The following HIBCH variants were observed in gnomAD, a reference collection of about 807,000 sequenced individuals.
HIBCH encodes 3-hydroxyisobutyryl-CoA hydrolase, mitochondrial.
HIBCH carries 50 observed loss-of-function variants against 58.2 expected under a neutral mutation model. The ratio of observed to expected loss-of-function variants is 0.86; its 90% CI spans 0.68 to 1.09. The LOEUF is 1.09. Ranked by LOEUF, HIBCH falls within the 50% of genes least tolerant of loss-of-function variation. The probability of loss-of-function intolerance (pLI) is 0.00; values close to 1 mark genes in which losing one functional copy is unlikely to be tolerated. For synonymous variants in HIBCH, 151 were observed against 146.9 expected (o/e 1.03, Z -0.20); for missense variants, 450 against 449.7 (o/e 1.00, Z -0.01).
rs955208108 is a variant in HIBCH at position 190,243,804 on chromosome 2, C to CA, written c.891+1082dup. 6.6e-6 allele frequency among the ~76,000 whole-genome samples: 1 copy of CA among 151,764 alleles called. No homozygotes were observed. Among genetic ancestry groups the CA allele is most frequent in the Non-Finnish European group, 1.5e-5 (1 of 67,910 alleles). On this transcript the variant is annotated intron_variant, in intron 11 of 13. Coordinates refer to ENST00000359678, the MANE Select transcript of HIBCH (RefSeq NM_014362.4). The surrounding 1 kb of genome is among the most constrained non-coding windows in gnomAD (Gnocchi z 4.1). ...CCAACATGGTGAAACCTTGTCTCTA[C>CA]AAAAAAATACAAAAAATTAGCCACC...
intron 11 of HIBCH, among the ~76,000 whole-genome samples, chr2:190,226,682 T>C (rs1685910355): frequency 1.4e-5 from 2 of 145,816 alleles, no homozygotes; most frequent in African/African-American, 5.0e-5. Flanking sequence ...GAAAACCCCA[T>C]CATCTCAGCC....
intron 1 of HIBCH, among the ~76,000 whole-genome samples, chr2:190,198,237 T>G (rs1690068384): frequency 6.6e-6 from 1 of 152,186 alleles, no homozygotes; most frequent in Admixed American, 6.5e-5. Context: ...TGGGTAGAAT[T>G]TATAGAATAA....
chr2:190,196,522 C>CT (rs34020571), intron 1 of HIBCH, among the ~76,000 whole-genome samples: 16,885 of 135,738 alleles, frequency 0.12, 1,014 homozygotes, highest in East Asian at 0.19. Flanking sequence ...AATGCTGGGT[C>CT]TTTTTTTTTT....
chr2:190,240,436 A>T (rs1686416543), intron 11 of HIBCH, among the ~76,000 whole-genome samples: 1 of 152,118 alleles, frequency 6.6e-6, no homozygotes, highest in Non-Finnish European at 1.5e-5. Flanking sequence ...CCTTTTCAAA[A>T]ACCAGCTCCT....
At chr2:190,295,910 T>C (rs1273237790) in intron 3 of HIBCH, among the ~76,000 whole-genome samples, 2 of 152,240 alleles carry the variant, frequency 1.3e-5, no homozygotes, top group East Asian at 1.9e-4. Context: ...GGTACTTATA[T>C]ATACTATTCA....
rs144541553 is a variant in HIBCH at position 190,278,878 on chromosome 2, C to A, written c.438+8708G>T. Among the ~76,000 whole-genome samples the A allele has an allele frequency of 2.5e-3, 377 of 152,162 alleles. 1 individual carries two copies. The highest frequency in any genetic ancestry group is 8.5e-3 in the African/African-American group (352 of 41,494). On this transcript the variant is annotated intron_variant, in intron 6 of 13. Transcript: ENST00000359678. ...ATTCTAAAGTGCCAACAAGGTTGAGCGCCAATGATCTAGAGGATTACATTT... is the reference window on the plus strand; with the variant it reads ...ATTCTAAAGTGCCAACAAGGTTGAGAGCCAATGATCTAGAGGATTACATTT...
Position 190,293,937 on chromosome 2 carries a change from TAAAG to T in HIBCH, c.304+605_304+608del, listed in dbSNP as rs537494719. On this transcript the variant is annotated intron_variant, in intron 4 of 13. Transcript: ENST00000359678. ...GACTGACCTGAACAATTATGAAAAATAAAGAGAGTTTCTCTTTTTATCTCAGCAT... is the reference window on the plus strand; with the variant it reads ...GACTGACCTGAACAATTATGAAAAATAGAGTTTCTCTTTTTATCTCAGCAT... Among the ~76,000 whole-genome samples the T allele has an allele frequency of 8.6e-3, 1,289 of 149,824 alleles. 12 individuals carry two copies. Among genetic ancestry groups the T allele is most frequent in the East Asian group, 0.03 (151 of 5,110 alleles).
intron 11 of HIBCH, chr2:190,220,251 G>A (rs1410693781): frequency 6.6e-6 from 1 of 152,144 alleles, no homozygotes; most frequent in African/African-American, 2.4e-5. Context: ...TACTTTTCAA[G>A]TTTATTGTTG....
chr2:190,218,969 A>T (rs1435282107), intron 11 of HIBCH, among the ~76,000 whole-genome samples: 1 of 152,212 alleles, frequency 6.6e-6, no homozygotes, highest in Non-Finnish European at 1.5e-5. Flanking sequence ...GTTACTGGTA[A>T]GTCAAACAAA....
At chr2:190,310,395 ACT>A (rs1688527087) in intron 2 of HIBCH, among the ~76,000 whole-genome samples, 1 of 152,242 alleles carries the variant, frequency 6.6e-6, no homozygotes, top group Non-Finnish European at 1.5e-5. Flanking sequence ...TCTAGAGAAC[ACT>A]GATTAATACA....
At chr2:190,299,388 TTG>T (rs1688197559) in intron 2 of HIBCH, among the ~76,000 whole-genome samples, 1 of 152,218 alleles carries the variant, frequency 6.6e-6, no homozygotes, top group African/African-American at 2.4e-5. Flanking sequence ...ACAGAAAAAG[TTG>T]TGTCTTTTCA....
chr2:190,225,233 T>A (rs1685852535), intron 11 of HIBCH, among the ~76,000 whole-genome samples: 1 of 151,970 alleles, frequency 6.6e-6, no homozygotes. Context: ...AACAAACACA[T>A]TCAAAAGCTA....
chr2:190,262,249 T>C (rs1687110798), intron 6 of HIBCH, among the ~76,000 whole-genome samples: 1 of 146,560 alleles, frequency 6.8e-6, no homozygotes, highest in South Asian at 2.1e-4. Flanking sequence ...AACAAACACA[T>C]AAAAAGAAGC....
At chr2:190,313,635 C>G (rs1688615486) in intron 1 of HIBCH, among the ~76,000 whole-genome samples, 1 of 100,040 alleles carries the variant, frequency 1.0e-5, no homozygotes, top group Admixed American at 1.4e-4. Flanking sequence ...ACAAGAGACT[C>G]TGTCTCACAA....
chr2:190,314,627 C>T lies in HIBCH; in HGVS notation c.36-3831G>A, dbSNP rs375125374. ...CCGAGTAGCTGGGATTGCAGGCATG[C>T]GTCACCACACCCGGCTTATTTTTGT... On this transcript the variant is annotated intron_variant, in intron 1 of 13. Coordinates refer to ENST00000359678, the MANE Select transcript of HIBCH (RefSeq NM_014362.4). Among the ~76,000 whole-genome samples the T allele has an allele frequency of 5.1e-4, 77 of 151,376 alleles. 1 individual carries two copies. In the South Asian group the frequency reaches 0.016, roughly 31 times the overall value.
intron 11 of HIBCH, among the ~76,000 whole-genome samples, chr2:190,237,174 T>C (rs1686298157): frequency 6.6e-6 from 1 of 152,196 alleles, no homozygotes; most frequent in African/African-American, 2.4e-5. Flanking sequence ...GTGTATACAG[T>C]TGTATAATTA....
At chr2:190,310,664 C>T (rs1204751707) in intron 2 of HIBCH, 90 bp downstream of exon 2, 1 of 1,051,544 alleles carries the variant, frequency 9.5e-7, no homozygotes, top group African/African-American at 1.6e-5. Flanking sequence ...TCAAGGAAAT[C>T]TGCCATACCA....
chr2:190,279,843 C>CTTCCTACT lies in HIBCH; in HGVS notation c.438+7742_438+7743insAGTAGGAA, dbSNP rs1687656384. 1 of 200,376 alleles carries CTTCCTACT rather than the reference C, an allele frequency of 5.0e-6. No individual in the cohort carries two copies. The highest frequency in any genetic ancestry group is 9.5e-5 in the South Asian group (1 of 10,500). 12.4% of individuals were successfully genotyped at this position (200,376 alleles called of 1,614,324 possible). A position where few individuals can be genotyped will look rare whatever the true frequency, so the allele number is the denominator to read the frequency against. ...CAAGTTACTTCCTCCTTCCTTTGTTCTCCTCTGCCTTTGCCTCTTTTAGAA... is the reference window on the plus strand; with the variant it reads ...CAAGTTACTTCCTCCTTCCTTTGTTCTTCCTACTTCCTCTGCCTTTGCCTCTTTTAGAA... On this transcript the variant is annotated intron_variant, in intron 6 of 13. Coordinates refer to ENST00000359678, the MANE Select transcript of HIBCH (RefSeq NM_014362.4). The surrounding 1 kb of genome is among the most constrained non-coding windows in gnomAD (Gnocchi z 4.2).
chr2:190,253,235 A>G (rs769388930), intron 7 of HIBCH, among the ~76,000 whole-genome samples: 3 of 152,192 alleles, frequency 2.0e-5, no homozygotes, highest in Non-Finnish European at 2.9e-5. Context: ...ACATACAAGT[A>G]ATTACCAGCA....
Sources: allele counts gnomAD v4.1 joint callset (sites outside exome capture counted in the v4.1 genomes callset), GRCh38; gene constraint gnomAD v4.1.1; non-coding constraint Gnocchi (gnomAD v3.1); transcripts MANE v1.5; gene names NCBI Gene and HGNC (gene_info 2026-07-23, HGNC 2026-07-21).